The following CTNNA3 variants were observed in gnomAD, a reference collection of about 807,000 sequenced individuals.
The protein encoded by CTNNA3 is catenin alpha-3.
Under a neutral mutation model 95.7 loss-of-function variants are expected in CTNNA3, and 76 were observed. The ratio of observed to expected loss-of-function variants is 0.79; its 90% confidence interval spans 0.66 to 0.96. The LOEUF is 0.96. Ranked by LOEUF, CTNNA3 falls within the 40% of genes least tolerant of loss-of-function variation. The pLI, the probability that CTNNA3 is intolerant of heterozygous loss-of-function variation, is 0.00. For synonymous variants in CTNNA3, 431 were observed against 374.4 expected, an observed-to-expected ratio of 1.15 and a Z score of -1.74; for missense variants, 1,191 against 1,089.8, an observed-to-expected ratio of 1.09 and a Z score of -1.31.
chr10:66,702,974 T>C (rs1245402848), intron 9 of CTNNA3, among the ~76,000 whole-genome samples: 2 of 152,138 alleles, frequency 1.3e-5, no homozygotes, highest in East Asian at 3.9e-4. Context: ...ATCTGGACTA[T>C]TTCCCCATTG....
At chr10:67,170,100 T>A (rs1026256720) in intron 7 of CTNNA3, among the ~76,000 whole-genome samples, 1 of 152,134 alleles carries the variant, frequency 6.6e-6, no homozygotes, top group Admixed American at 6.6e-5. Flanking sequence ...AAATGGCTAT[T>A]ACTAAAAAGT....
chr10:67,179,237 A>G (rs1242420987), intron 7 of CTNNA3, among the ~76,000 whole-genome samples: 1 of 152,166 alleles, frequency 6.6e-6, no homozygotes, highest in Middle Eastern at 3.4e-3. Flanking sequence ...TATTGCTATT[A>G]TAACTTTCAT....
chr10:65,992,016 T>A (rs2078557144), intron 15 of CTNNA3, among the ~76,000 whole-genome samples: 1 of 152,156 alleles, frequency 6.6e-6, no homozygotes, highest in Non-Finnish European at 1.5e-5. Flanking sequence ...TCACATTTTT[T>A]AATCTTTCAT....
At chr10:66,362,625 A>T (rs1010311099) in intron 12 of CTNNA3, among the ~76,000 whole-genome samples, 1 of 151,852 alleles carries the variant, frequency 6.6e-6, no homozygotes, top group Non-Finnish European at 1.5e-5. Context: ...AAGTGGGAGA[A>T]TCACTTGAAC....
chr10:65,958,207 G>T (rs2077771291), intron 17 of CTNNA3, among the ~76,000 whole-genome samples: 1 of 152,082 alleles, frequency 6.6e-6, no homozygotes, highest in Non-Finnish European at 1.5e-5. Flanking sequence ...GTGCCATGTA[G>T]TTCTCGTGCC....
At position 65,917,288 on chromosome 10, in the gene CTNNA3, G is replaced by T. The variant is rs1273496398; in HGVS notation, c.*3042C>A. On this transcript the variant is annotated 3_prime_UTR_variant, in exon 18 of 18. Transcript: ENST00000433211. ...ATTAGCTTAGAAATTTAGTGTTTGA[G>T]TTTTTTCTTGACTCATTCAAGAACT... The T allele has an allele frequency of 6.6e-6, 1 of 152,016 alleles. No homozygotes were observed. The highest frequency in any genetic ancestry group is 2.1e-4 in the South Asian group (1 of 4,816). The allele number at this position is 152,016 out of a possible 1,614,324, so 9.4% of individuals were successfully genotyped here.
intron 17 of CTNNA3, among the ~76,000 whole-genome samples, chr10:65,957,759 T>C (rs2077762390): frequency 6.6e-6 from 1 of 152,220 alleles, no homozygotes; most frequent in Non-Finnish European, 1.5e-5. Flanking sequence ...AGATCTGCTG[T>C]TAGTCTGATG....
chr10:66,650,755 C>T (rs923497066), intron 9 of CTNNA3, among the ~76,000 whole-genome samples: 2 of 151,530 alleles, frequency 1.3e-5, no homozygotes, highest in African/African-American at 2.4e-5. Context: ...TCCTTCCTCC[C>T]GTCCAGAGTT....
rs570397792 is a variant in CTNNA3, at chr10:66,161,966, C to G, written c.1885-58717G>C. On this transcript the variant is annotated intron_variant, in intron 13 of 17. Transcript: ENST00000433211. ...GACCTTGTCTTTCAGCTCTGAATTTCTTTATTCTACTTGTTCAATTCTATT... is the reference window on the plus strand; with the variant it reads ...GACCTTGTCTTTCAGCTCTGAATTTGTTTATTCTACTTGTTCAATTCTATT... Among the ~76,000 whole-genome samples, 3 of 152,058 alleles carry G rather than the reference C, an allele frequency of 2.0e-5. No homozygotes were observed. In the East Asian group the frequency reaches 5.8e-4, roughly 29 times the overall value.
At chr10:66,493,931 TGA>T (rs1840015939) in intron 11 of CTNNA3, among the ~76,000 whole-genome samples, 1 of 98,582 alleles carries the variant, frequency 1.0e-5, no homozygotes, top group Non-Finnish European at 1.9e-5. Context: ...TTTTTGAGAC[TGA>T]GTCTTGCTGT....
rs895006630 is a variant in CTNNA3 at position 66,703,429 on chromosome 10, T to C, written c.1281+62835A>G. Among the ~76,000 whole-genome samples the C allele has an allele frequency of 2.6e-5, 4 of 152,184 alleles. No homozygotes were observed. In the East Asian group the frequency reaches 5.8e-4, roughly 22 times the overall value. Reference sequence around the variant, plus strand: ...GAAGTCACATTTGGGGAAAAGTATATGGCATAAGCATTATTTTTGATGAAA... The same window carrying C: ...GAAGTCACATTTGGGGAAAAGTATACGGCATAAGCATTATTTTTGATGAAA... On this transcript the variant is annotated intron_variant, in intron 9 of 17. Coordinates refer to ENST00000433211, the MANE Select transcript of CTNNA3 (RefSeq NM_013266.4).
At chr10:67,532,232 C>A (rs979250983) in intron 4 of CTNNA3, among the ~76,000 whole-genome samples, 3 of 152,158 alleles carry the variant, frequency 2.0e-5, no homozygotes, top group African/African-American at 7.2e-5. Flanking sequence ...ATATACATAG[C>A]TTCTAACAGC....
rs1276731436 is a variant in CTNNA3, at chr10:67,725,985, A to C, written c.-2+37449T>G. On this transcript the variant is annotated intron_variant, in intron 1 of 17. Transcript: ENST00000684154. The stretch of plus-strand genomic sequence containing the variant: ...AATATATATGTAATATATACTATAT[A>C]CTATATATTATATATTATATATCTA... Among the ~76,000 whole-genome samples, 4 of 137,964 alleles carry C rather than the reference A, an allele frequency of 2.9e-5. No individual in the cohort carries two copies. In the East Asian group the frequency reaches 8.3e-4, roughly 29 times the overall value. 90.5% of individuals were successfully genotyped at this position (137,964 alleles called of 152,430 possible). A position where few individuals can be genotyped will look rare whatever the true frequency, so the allele number is the denominator to read the frequency against.
chr10:67,566,051 A>ATATATATATATATATATATATATATATT (rs1841772390), intron 3 of CTNNA3, among the ~76,000 whole-genome samples: 1 of 81,718 alleles, frequency 1.2e-5, no homozygotes. Context: ...GTGTATATAT[A>ATATATATATATATATATATATATATATT]TATATATATA....
chr10:66,236,292 C>T (rs2089851398), intron 13 of CTNNA3, among the ~76,000 whole-genome samples: 1 of 152,030 alleles, frequency 6.6e-6, no homozygotes, highest in Non-Finnish European at 1.5e-5. Flanking sequence ...CAGAATTAGA[C>T]CAACCAATTA....
chr10:66,227,475 T>C (rs1343300968), intron 13 of CTNNA3, among the ~76,000 whole-genome samples: 4 of 152,122 alleles, frequency 2.6e-5, no homozygotes, highest in Non-Finnish European at 5.9e-5. Flanking sequence ...ATCACATTTA[T>C]TGACTTGCAT....
chr10:66,316,135 C>A (rs1344901490), intron 12 of CTNNA3, among the ~76,000 whole-genome samples: 6 of 152,038 alleles, frequency 3.9e-5, no homozygotes, highest in Admixed American at 3.9e-4. Context: ...GTGAGCTATA[C>A]TTACCATTAA....
intron 7 of CTNNA3, among the ~76,000 whole-genome samples, chr10:67,084,014 A>G (rs1857180495): frequency 6.6e-6 from 1 of 152,150 alleles, no homozygotes; most frequent in African/African-American, 2.4e-5. Flanking sequence ...AGTTCAAGGA[A>G]GAGGTTCGTT....
intron 15 of CTNNA3, among the ~76,000 whole-genome samples, chr10:66,019,457 G>A (rs2079157181): frequency 6.6e-6 from 1 of 152,036 alleles, no homozygotes; most frequent in Admixed American, 6.6e-5. Flanking sequence ...CCAAAAGTGG[G>A]GGATCCCACT....
Sources: allele counts gnomAD v4.1 joint callset (sites outside exome capture counted in the v4.1 genomes callset), GRCh38; gene constraint gnomAD v4.1.1; transcripts MANE v1.5; gene names NCBI Gene and HGNC (gene_info 2026-07-23, HGNC 2026-07-21).